The following ERG variants were observed in gnomAD, a reference collection of about 807,000 sequenced individuals.
ERG encodes the protein transcriptional regulator ERG.
In ERG, 9 loss-of-function variants were observed where a neutral mutation model predicts 55.3. The ratio of observed to expected loss-of-function variants is 0.16; its 90% CI spans 0.10 to 0.28. ERG has a LOEUF of 0.28. ERG is among the 10% of genes least tolerant of loss of function. The pLI is 1.00. For synonymous variants in ERG, 223 were observed against 237.3 expected (o/e 0.94, Z 0.55); for missense variants, 434 against 631.6 (o/e 0.69, Z 3.35).
rs571624309 is a variant in ERG, at chr21:38,659,345, A to T, written c.-150+2313T>A. Among the ~76,000 whole-genome samples the T allele has an allele frequency of 3.1e-4, 47 of 152,384 alleles. 1 individual carries two copies. The highest frequency in any genetic ancestry group is 1.0e-3 in the African/African-American group (43 of 41,592). ...TTAATAATTTGACACATGGTGAATT[A>T]ATTTACATGGTTGGGTTCTTCGCAA... On this transcript the variant is annotated intron_variant, in intron 1 of 10. Transcript: ENST00000398910.
intron 9 of ERG, among the ~76,000 whole-genome samples, chr21:38,388,870 C>T (rs1298848674): frequency 6.6e-6 from 1 of 152,182 alleles, no homozygotes; most frequent in African/African-American, 2.4e-5. Context: ...ATGCAGTGTT[C>T]CCTTGTGAAA....
At chr21:38,510,330 G>C (rs1365777405) in intron 2 of ERG, among the ~76,000 whole-genome samples, 2 of 152,176 alleles carry the variant, frequency 1.3e-5, no homozygotes, top group Non-Finnish European at 2.9e-5. Context: ...AGCTGTTCGA[G>C]CTTTTCATCA....
chr21:38,517,414 A>G (rs1703733310), intron 2 of ERG, among the ~76,000 whole-genome samples: 1 of 152,182 alleles, frequency 6.6e-6, no homozygotes, highest in African/African-American at 2.4e-5. Flanking sequence ...ATGAGATATC[A>G]TCATACCTTA....
At chr21:38,514,818 A>T (rs2059539598) in intron 2 of ERG, among the ~76,000 whole-genome samples, 1 of 152,014 alleles carries the variant, frequency 6.6e-6, no homozygotes, top group Non-Finnish European at 1.5e-5. Flanking sequence ...TTATTTACAG[A>T]TGACATCATT....
At chr21:38,527,939 C>T (rs74692506) in intron 2 of ERG, among the ~76,000 whole-genome samples, 8,734 of 152,244 alleles carry the variant, frequency 0.057, 316 homozygotes, top group South Asian at 0.13. Context: ...ACACCCTGGG[C>T]GGCTTCCGCC....
chr21:38,413,035 C>T (rs776901835), intron 3 of ERG, among the ~76,000 whole-genome samples: 1 of 152,152 alleles, frequency 6.6e-6, no homozygotes, highest in Non-Finnish European at 1.5e-5. Flanking sequence ...GGTGGGGACT[C>T]GGGTAATGAC....
At chr21:38,626,062 C>G (rs2060322812) in intron 1 of ERG, among the ~76,000 whole-genome samples, 1 of 151,808 alleles carries the variant, frequency 6.6e-6, no homozygotes, top group African/African-American at 2.4e-5. Context: ...GCTGGGCCTA[C>G]AGGCGCCTGC....
chr21:38,522,955 G>T (rs2059605172), intron 2 of ERG, among the ~76,000 whole-genome samples: 1 of 152,140 alleles, frequency 6.6e-6, no homozygotes, highest in African/African-American at 2.4e-5. Context: ...ATTTCTCTTG[G>T]ACATAAAATA....
intron 2 of ERG, among the ~76,000 whole-genome samples, chr21:38,436,020 CTTT>C (rs11384369): frequency 1.5e-5 from 2 of 133,326 alleles, no homozygotes; most frequent in Non-Finnish European, 1.6e-5. Flanking sequence ...TTCTTTTTTT[CTTT>C]TTTTTTTTTT....
rs117615127 is a variant in ERG, at chr21:38,422,901, T to C, written c.388+509A>G. ...TTTAAAAACAAACAAGTCTATCATC[T>C]ATCATAAATAGTACCTCATGAAGGA... On this transcript the variant is annotated intron_variant, in intron 3 of 9. Coordinates refer to ENST00000288319, the MANE Select transcript of ERG (RefSeq NM_182918.4). Among the ~76,000 whole-genome samples, 1,075 of 152,308 alleles carry C rather than the reference T, an allele frequency of 7.1e-3. 26 individuals carry two copies. The highest frequency in any genetic ancestry group is 0.048 in the East Asian group (250 of 5,172).
At chr21:38,511,638 G>A (rs9305651) in intron 2 of ERG, among the ~76,000 whole-genome samples, 11,060 of 152,192 alleles carry the variant, frequency 0.073, 585 homozygotes, top group African/African-American at 0.14. Context: ...TCAATTTTAA[G>A]ATACATCCCA....
intron 2 of ERG, among the ~76,000 whole-genome samples, chr21:38,528,474 G>C (rs1466986983): frequency 6.2e-5 from 1 of 16,246 alleles, no homozygotes; most frequent in East Asian, 7.0e-4. Flanking sequence ...TTGAGACGGA[G>C]TCTCGCTCTG....
At chr21:38,525,924 C>T (rs1053915035) in intron 2 of ERG, among the ~76,000 whole-genome samples, 49 of 152,040 alleles carry the variant, frequency 3.2e-4, no homozygotes, top group African/African-American at 1.0e-3. Flanking sequence ...TAAGGCAATA[C>T]GATTAACAGT....
chr21:38,651,646 G>T (rs2060489379), intron 1 of ERG, among the ~76,000 whole-genome samples: 1 of 152,102 alleles, frequency 6.6e-6, no homozygotes, highest in Non-Finnish European at 1.5e-5. Flanking sequence ...GCTACTGGAA[G>T]ATTTAAAACT....
chr21:38,468,486 A>C (rs2059109486), intron 1 of ERG, among the ~76,000 whole-genome samples: 1 of 152,174 alleles, frequency 6.6e-6, no homozygotes, highest in Non-Finnish European at 1.5e-5. Flanking sequence ...TTTTTCCTTG[A>C]CAAGAATCAT....
downstream of ERG, among the ~76,000 whole-genome samples, chr21:38,376,014 T>A (rs1809146225): frequency 6.6e-6 from 1 of 152,238 alleles, no homozygotes; most frequent in Non-Finnish European, 1.5e-5. Context: ...CATCCTATTG[T>A]GGTTGCCCAT....
At chr21:38,438,646 C>G (rs573505004) in intron 2 of ERG, among the ~76,000 whole-genome samples, 1 of 152,240 alleles carries the variant, frequency 6.6e-6, no homozygotes, top group Non-Finnish European at 1.5e-5. Context: ...TCTCTCGCTG[C>G]ACAGGCCCAG....
intron 2 of ERG, among the ~76,000 whole-genome samples, chr21:38,515,123 T>C (rs768517246): frequency 2.6e-4 from 39 of 152,040 alleles, no homozygotes; most frequent in Middle Eastern, 3.4e-3. Context: ...TTGAAAAACT[T>C]AATAATCAAA....
chr21:38,486,808 C>T (rs781676848), intron 1 of ERG, among the ~76,000 whole-genome samples: 69 of 152,250 alleles, frequency 4.5e-4, no homozygotes, highest in Non-Finnish European at 5.9e-4. Context: ...TTTGGCTTCC[C>T]GAGAAGCTGA....
Sources: allele counts gnomAD v4.1 joint callset (sites outside exome capture counted in the v4.1 genomes callset), GRCh38; gene constraint gnomAD v4.1.1; transcripts MANE v1.5; gene names NCBI Gene and HGNC (gene_info 2026-07-23, HGNC 2026-07-21).